Variants in HECW2 observed in about 807,000 individuals in gnomAD.
HECW2 encodes the protein E3 ubiquitin-protein ligase HECW2.
Under a neutral mutation model 175.2 loss-of-function variants are expected in HECW2, and 61 were observed. That is an observed-to-expected ratio of 0.35 (90% CI 0.28 to 0.43). HECW2 has a LOEUF of 0.43. Among genes scored for constraint, HECW2 ranks in the 20% least tolerant of loss-of-function variants. The pLI is 1.00. For missense variants in HECW2, 1,524 were observed against 2,000.5 expected, an observed-to-expected ratio of 0.76 and a Z score of 4.54; for synonymous variants, 671 against 731.0, an observed-to-expected ratio of 0.92 and a Z score of 1.32.
At position 196,228,247 on chromosome 2, in the gene HECW2, A is replaced by T; in HGVS notation, c.3772T>A (p.Tyr1258Asn). 1 of 1,589,854 alleles carries T rather than the reference A, an allele frequency of 6.3e-7. No individual in the cohort carries two copies. The highest frequency in any genetic ancestry group is 8.5e-7 in the Non-Finnish European group (1 of 1,173,722). ...VTFVGEEGLD[Y>N]SGPSREFFFL... ...AAAAACTCTCTAGAAGGCCCACTGT[A>T]ATCCAGCCTGTAACAAAAATCCACA... Residue 1258 changes from tyrosine to asparagine, a missense_variant, in exon 22 of 29, where the codon TAC (tyrosine) becomes AAC (asparagine). Coordinates refer to ENST00000644978, the MANE Select transcript of HECW2 (RefSeq NM_001348768.2).
At position 196,542,706 on chromosome 2, in the gene HECW2, T is replaced by C. The variant is rs186556040; in HGVS notation, c.-36+50802A>G. On this transcript the variant is annotated intron_variant, in intron 1 of 28. Coordinates refer to ENST00000644978, the MANE Select transcript of HECW2 (RefSeq NM_001348768.2). ...CAAGCAGGTGGGTATGAAAATAATA[T>C]AGGATACAAATGTATCCTATATAAA... 9.2e-5 allele frequency among the ~76,000 whole-genome samples: 14 copies of C among 151,744 alleles called. No homozygotes were observed. The East Asian group carries it at 2.3e-3, about 25-fold the overall frequency.
intron 14 of HECW2, among the ~76,000 whole-genome samples, chr2:196,282,150 A>G (rs1690211957): frequency 6.6e-6 from 1 of 152,248 alleles, no homozygotes; most frequent in South Asian, 2.1e-4. Flanking sequence ...TGTGTTTGTT[A>G]ACAGGCTCCT....
intron 2 of HECW2, among the ~76,000 whole-genome samples, chr2:196,403,808 AC>A (rs1694884888): frequency 6.6e-6 from 1 of 152,218 alleles, no homozygotes; most frequent in Admixed American, 6.5e-5. Context: ...AATAATAATA[AC>A]AAAAAAGAAC....
chr2:196,469,114 T>TGC (rs1393396747), intron 1 of HECW2, among the ~76,000 whole-genome samples: 1 of 88,676 alleles, frequency 1.1e-5, no homozygotes, highest in East Asian at 3.5e-4. Context: ...TGTGTGTGTG[T>TGC]GTGTGCGTGT....
chr2:196,589,630 G>T (rs1374789677), intron 1 of HECW2, among the ~76,000 whole-genome samples: 1 of 152,172 alleles, frequency 6.6e-6, no homozygotes, highest in African/African-American at 2.4e-5. Flanking sequence ...TGGAAACTAA[G>T]AGAATGTGGA....
In HECW2 at chr2:196,477,952, T is replaced by G. The variant is rs549735442; in HGVS notation, c.-35-44494A>C. ...CTGTAATTCCAGCTACTAGGGGGGC[T>G]GAGGCAGAAGGATCACTTGAACCTG... On this transcript the variant is annotated intron_variant, in intron 1 of 28. Coordinates refer to ENST00000644978, the MANE Select transcript of HECW2 (RefSeq NM_001348768.2). Among the ~76,000 whole-genome samples the G allele has an allele frequency of 3.3e-4, 51 of 152,262 alleles. 1 individual carries two copies. In the South Asian group the frequency reaches 0.01, roughly 31 times the overall value.
chr2:196,269,971 T>G (rs1020040058), intron 17 of HECW2, among the ~76,000 whole-genome samples: 5 of 152,154 alleles, frequency 3.3e-5, no homozygotes, highest in African/African-American at 4.8e-5. Flanking sequence ...GGAGAGGAAT[T>G]GGAGGAGGCA....
At chr2:196,349,024 T>C (rs560234980) in intron 2 of HECW2, among the ~76,000 whole-genome samples, 78 of 152,232 alleles carry the variant, frequency 5.1e-4, no homozygotes, top group Non-Finnish European at 3.8e-4. Context: ...GCCTACTTCT[T>C]GCCTTCTTGC....
At chr2:196,307,315 C>G (rs1439727022) in intron 11 of HECW2, 82 bp from the exon 12 acceptor site, 1 of 905,318 alleles carries the variant, frequency 1.1e-6, no homozygotes, top group Non-Finnish European at 1.8e-6. Context: ...TAGAACTTTT[C>G]ACTATCTTCT....
chr2:196,425,968 C>T (rs80189825), intron 2 of HECW2, among the ~76,000 whole-genome samples: 1 of 152,106 alleles, frequency 6.6e-6, no homozygotes, highest in African/African-American at 2.4e-5. Context: ...AACTTCACTA[C>T]TGTCTTATTT....
chr2:196,478,242 G>A (rs1686725408), intron 1 of HECW2, among the ~76,000 whole-genome samples: 1 of 152,212 alleles, frequency 6.6e-6, no homozygotes. Flanking sequence ...AGGCCAAGAA[G>A]GGACCTGATC....
rs1686745684 is a variant in HECW2 at position 196,198,082 on chromosome 2, G to A, written c.*3195C>T. On this transcript the variant is annotated 3_prime_UTR_variant, in exon 29 of 29. Coordinates refer to ENST00000644978, the MANE Select transcript of HECW2 (RefSeq NM_001348768.2). ...AATGTTTTGACCCCAGAAGTGGTTT[G>A]GGCTCAGGGATTGGGATTTTTCACA... 5 of 152,260 alleles carry A rather than the reference G, an allele frequency of 3.3e-5. No individual in the cohort carries two copies. The South Asian group carries it at 1.0e-3, about 32-fold the overall frequency. 9.4% of individuals were successfully genotyped at this position (152,260 alleles called of 1,614,324 possible).
chr2:196,412,686 G>A (rs1695147589), intron 2 of HECW2, among the ~76,000 whole-genome samples: 1 of 152,316 alleles, frequency 6.6e-6, no homozygotes, highest in South Asian at 2.1e-4. Context: ...ACATCTTGAT[G>A]CTACTATTTA....
intron 28 of HECW2, among the ~76,000 whole-genome samples, chr2:196,208,099 C>T (rs1687136278): frequency 6.6e-6 from 1 of 152,220 alleles, no homozygotes; most frequent in African/African-American, 2.4e-5. Context: ...TGGCACATTT[C>T]TCACACACCT....
chr2:196,358,461 G>A (rs1177391210), intron 2 of HECW2, among the ~76,000 whole-genome samples: 1 of 151,550 alleles, frequency 6.6e-6, no homozygotes, highest in Admixed American at 6.6e-5. Flanking sequence ...TATAATCCCA[G>A]CTACTTGGGA....
intron 19 of HECW2, among the ~76,000 whole-genome samples, chr2:196,248,983 C>T (rs1014279004): frequency 1.3e-5 from 2 of 152,088 alleles, no homozygotes; most frequent in African/African-American, 4.8e-5. Context: ...GATTCATAGG[C>T]ACAATGATCC....
intron 1 of HECW2, among the ~76,000 whole-genome samples, chr2:196,549,765 A>G (rs939656330): frequency 6.6e-5 from 10 of 152,210 alleles, no homozygotes; most frequent in African/African-American, 2.4e-4. Context: ...TTCTTCAGCA[A>G]TGCCTCCACA....
intron 2 of HECW2, among the ~76,000 whole-genome samples, chr2:196,353,720 C>T (rs1402138096): frequency 1.3e-5 from 2 of 152,214 alleles, no homozygotes; most frequent in South Asian, 2.1e-4. Context: ...TGTTTGCCCA[C>T]CCTTTCCCCA....
rs72931234 is a variant in HECW2, at chr2:196,405,661, G to A, written c.292+27471C>T. ...TCCTTGTGCACATCAATGTCATGTG[G>A]ACAATGTCTACTAGATCATATTCAT... On this transcript the variant is annotated intron_variant, in intron 2 of 28. Coordinates refer to ENST00000644978, the MANE Select transcript of HECW2 (RefSeq NM_001348768.2). 1.8e-3 allele frequency among the ~76,000 whole-genome samples: 278 copies of A among 152,038 alleles called. 1 individual carries two copies. The highest frequency in any genetic ancestry group is 3.4e-3 in the Middle Eastern group (1 of 294).
Sources: gnomAD v4.1 joint callset for allele counts (sites outside exome capture counted in the v4.1 genomes callset) on GRCh38, gnomAD v4.1.1 for gene constraint, MANE v1.5 for transcripts, NCBI Gene and HGNC (gene_info 2026-07-23, HGNC 2026-07-21) for gene names.